CEP120: variants seen among roughly 807,000 people sequenced by gnomAD.
CEP120 encodes the protein centrosomal protein 120.
A neutral mutation model predicts 126.5 loss-of-function variants in CEP120; 113 were observed. That is an observed-to-expected ratio of 0.89 (90% CI 0.77 to 1.04). The LOEUF (loss-of-function observed/expected upper bound fraction) is 1.04, where lower values mean the gene tolerates loss of function less well. Among genes scored for constraint, CEP120 ranks in the 50% least tolerant of loss-of-function variants. The pLI, the probability that CEP120 is intolerant of heterozygous loss-of-function variation, is 0.00. For synonymous variants in CEP120, 400 were observed against 394.3 expected (o/e 1.01, Z -0.17); for missense variants, 1,230 against 1,155.7 (o/e 1.06, Z -0.93).
At chr5:123,416,525 C>T (rs1001371458) in intron 2 of CEP120, among the ~76,000 whole-genome samples, 8 of 151,794 alleles carry the variant, frequency 5.3e-5, no homozygotes, top group Admixed American at 2.0e-4. Flanking sequence ...GAGCCGAGAT[C>T]GCGCCACTAC....
At chr5:123,355,601 T>A in intron 18 of CEP120, among the ~76,000 whole-genome samples, 1 of 152,210 alleles carries the variant, frequency 6.6e-6, no homozygotes, top group Non-Finnish European at 1.5e-5. Flanking sequence ...GAAGTGTCTG[T>A]TCATATCCTT....
At chr5:123,403,925 A>T (rs972662033) in intron 4 of CEP120, among the ~76,000 whole-genome samples, 5 of 152,236 alleles carry the variant, frequency 3.3e-5, no homozygotes, top group Non-Finnish European at 7.3e-5. Flanking sequence ...TTTTCCTATA[A>T]AGGAAATTAT....
chr5:123,372,321 C>T lies in CEP120; in HGVS notation c.2481+329G>A, dbSNP rs147485817. ...GCAACCGAAGTAGACTGTTTTCTGACAGGATCTTGGCTATGCCTTGCTTTC... is the reference window on the plus strand; with the variant it reads ...GCAACCGAAGTAGACTGTTTTCTGATAGGATCTTGGCTATGCCTTGCTTTC... On this transcript the variant is annotated intron_variant, in intron 17 of 19. Transcript: ENST00000306467. Among the ~76,000 whole-genome samples, 153 of 152,182 alleles carry T rather than the reference C, an allele frequency of 1.0e-3. 1 individual carries two copies. The highest frequency in any genetic ancestry group is 3.6e-3 in the African/African-American group (150 of 41,558).
intron 19 of CEP120, among the ~76,000 whole-genome samples, chr5:123,349,052 A>T (rs1266107345): frequency 1.3e-5 from 2 of 152,160 alleles, no homozygotes; most frequent in Admixed American, 1.3e-4. Context: ...TAAGCTAAGA[A>T]GTCTTCCCCC....
chr5:123,353,131 G>T (rs895555148), intron 18 of CEP120, among the ~76,000 whole-genome samples: 3 of 151,878 alleles, frequency 2.0e-5, no homozygotes, highest in Non-Finnish European at 4.4e-5. Flanking sequence ...ACACTGGCTA[G>T]AACACCTCTA....
intron 16 of CEP120, 39 bp downstream of exon 16, chr5:123,377,335 T>C: frequency 8.8e-6 from 14 of 1,583,488 alleles, no homozygotes; most frequent in Non-Finnish European, 1.2e-5. Context: ...AGAATGCAAA[T>C]AAACTAAGCA....
chr5:123,398,790 T>C (rs1394313054), intron 5 of CEP120, among the ~76,000 whole-genome samples: 15 of 152,206 alleles, frequency 9.9e-5, no homozygotes, highest in Non-Finnish European at 1.5e-5. Flanking sequence ...GCAGAAAGTA[T>C]TCCTGACATT....
Position 123,378,335 on chromosome 5 carries a change from C to T in CEP120, c.2196+1G>A. 6.3e-7 allele frequency: 1 copy of T among 1,590,510 alleles called. No individual in the cohort carries two copies. Among genetic ancestry groups the T allele is most frequent in the Admixed American group, 1.8e-5 (1 of 54,094 alleles). On this transcript the variant is annotated splice_donor_variant, in intron 15 of 19. Transcript: ENST00000306467. LOFTEE classifies it high-confidence loss of function. The stretch of plus-strand genomic sequence containing the variant: ...AAAAATACAATGGACGAATGACATA[C>T]CTCTGATTCCACACTAGCAAGCTGC...
At chr5:123,412,330 C>A in intron 4 of CEP120, 69 bp downstream of exon 4, 1 of 1,491,140 alleles carries the variant, frequency 6.7e-7, no homozygotes, top group Non-Finnish European at 9.0e-7. Context: ...CTATAACACT[C>A]CCGCTTCCTA....
chr5:123,386,752 A>C (rs899870967), intron 9 of CEP120, 85 bp from the exon 10 acceptor site: 19 of 1,019,828 alleles, frequency 1.9e-5, no homozygotes, highest in Non-Finnish European at 2.5e-5. Flanking sequence ...AGAAAAAAGT[A>C]TAATATGAAT....
In CEP120 at chr5:123,382,843, G is replaced by A; in HGVS notation, c.1907C>T (p.Pro636Leu). The change falls in exon 13 of 20, where the codon CCT becomes CTT. Residue 636 changes from proline to leucine, a missense_variant. Physicochemically the swap from Pro to Leu is moderately conservative, Grantham distance 98. Transcript: ENST00000306467. ...CTCTGTCTGGATCTCTGAAGGACAAGGTGCTGGAGGAAGAGAAGACGGCTT... is the reference window on the plus strand; with the variant it reads ...CTCTGTCTGGATCTCTGAAGGACAAAGTGCTGGAGGAAGAGAAGACGGCTT... Reference protein sequence around the residue: ...QQKPSSLPPAPCPSEIQTEPR... With the variant: ...QQKPSSLPPALCPSEIQTEPR... The A allele has an allele frequency of 2.5e-6, 4 of 1,613,444 alleles. No homozygotes were observed. The highest frequency in any genetic ancestry group is 3.4e-6 in the Non-Finnish European group (4 of 1,179,662).
At position 123,414,149 on chromosome 5, in the gene CEP120, T is replaced by A. The variant is rs534369683; in HGVS notation, c.322-1609A>T. ...GTATTTAGAGGCATGACCTCATCCC[T>A]CAGATACCCCCCTAAGAGGATTTAC... On this transcript the variant is annotated intron_variant, in intron 3 of 19. Coordinates refer to ENST00000306467, the MANE Select transcript of CEP120 (RefSeq NM_001375405.1). Among the ~76,000 whole-genome samples, 11 of 152,292 alleles carry A rather than the reference T, an allele frequency of 7.2e-5. No individual in the cohort carries two copies. In the East Asian group the frequency reaches 2.1e-3, roughly 29 times the overall value.
At chr5:123,378,173 G>A (rs979522222) in intron 15 of CEP120, among the ~76,000 whole-genome samples, 163 bp downstream of exon 15, 1 of 151,840 alleles carries the variant, frequency 6.6e-6, no homozygotes, top group Non-Finnish European at 1.5e-5. Flanking sequence ...TCTCATAAAT[G>A]GAGTGCCTCT....
intron 18 of CEP120, among the ~76,000 whole-genome samples, chr5:123,363,305 A>G (rs1294376181): frequency 6.6e-6 from 1 of 151,622 alleles, no homozygotes; most frequent in Non-Finnish European, 1.5e-5. Context: ...AGTACTCTAT[A>G]TGGCCTGTGT....
chr5:123,346,789 G>T, intron 19 of CEP120, 36 bp from the exon 20 acceptor site: 2 of 1,431,340 alleles, frequency 1.4e-6, no homozygotes, highest in Non-Finnish European at 9.4e-7. Flanking sequence ...TGTAGCAACT[G>T]TGTTGGTTTT....
chr5:123,403,481 A>C, intron 4 of CEP120: 1 of 343,492 alleles, frequency 2.9e-6, no homozygotes, highest in Non-Finnish European at 5.6e-6. Context: ...ATAAAAAGAG[A>C]AAACTGTAAA....
chr5:123,422,886 T>C (rs542194538), intron 1 of CEP120, 64 bp downstream of exon 1: 5 of 1,443,812 alleles, frequency 3.5e-6, no homozygotes, highest in East Asian at 4.5e-5. Context: ...AAGGCCTCGG[T>C]CCCACACTAA....
intron 3 of CEP120, among the ~76,000 whole-genome samples, chr5:123,415,346 T>C (rs1335039427): frequency 1.3e-5 from 2 of 152,190 alleles, no homozygotes; most frequent in African/African-American, 4.8e-5. Context: ...TCTGTATTTC[T>C]AACTTGTATA....
chr5:123,374,985 ACTTCAT>A (rs1223501918), intron 16 of CEP120, among the ~76,000 whole-genome samples: 1 of 152,094 alleles, frequency 6.6e-6, no homozygotes, highest in African/African-American at 2.4e-5. Context: ...GAGTACAGAT[ACTTCAT>A]CTTCATCAGC....
Sources: gnomAD v4.1 joint callset for allele counts (sites outside exome capture counted in the v4.1 genomes callset) on GRCh38, gnomAD v4.1.1 for gene constraint, MANE v1.5 for transcripts, NCBI Gene and HGNC (gene_info 2026-07-23, HGNC 2026-07-21) for gene names.